SHB: variants seen among roughly 807,000 people sequenced by gnomAD.
The protein encoded by SHB is SH2 domain-containing adapter protein B.
In SHB, 20 loss-of-function variants were observed where a neutral mutation model predicts 52.3. The observed-to-expected ratio is 0.38, with a 90% CI of 0.27 to 0.56. SHB has a LOEUF of 0.56. Among genes scored for constraint, SHB ranks in the 20% least tolerant of loss-of-function variants. The probability of loss-of-function intolerance (pLI) is 0.71; values close to 1 mark genes in which losing one functional copy is unlikely to be tolerated. For missense variants in SHB, 825 were observed against 723.3 expected, an observed-to-expected ratio of 1.14 and a Z score of -1.61; for synonymous variants, 397 against 316.5, an observed-to-expected ratio of 1.25 and a Z score of -2.70.
intron 1 of SHB, among the ~76,000 whole-genome samples, chr9:38,054,394 CT>C (rs952386121): frequency 1.3e-5 from 2 of 152,254 alleles, no homozygotes; most frequent in Non-Finnish European, 2.9e-5. Context: ...TTTGCTGAGA[CT>C]CCCCAAATCC....
At chr9:38,010,335 C>A (rs368019792) in intron 2 of SHB, among the ~76,000 whole-genome samples, 1 of 152,206 alleles carries the variant, frequency 6.6e-6, no homozygotes, top group East Asian at 1.9e-4. Flanking sequence ...TTGGTTACCT[C>A]TGAGAATTCC....
intron 2 of SHB, among the ~76,000 whole-genome samples, chr9:37,980,419 A>G (rs369209251): frequency 6.6e-6 from 1 of 152,226 alleles, no homozygotes; most frequent in African/African-American, 2.4e-5. Context: ...GTTTGATCAT[A>G]AGATTCCTGC....
At chr9:38,009,451 A>G (rs1248240015) in intron 2 of SHB, among the ~76,000 whole-genome samples, 2 of 152,234 alleles carry the variant, frequency 1.3e-5, no homozygotes, top group Non-Finnish European at 2.9e-5. Flanking sequence ...ACACCCAGTG[A>G]AGGAGGCAGA....
chr9:38,000,878 T>C (rs1362877518), intron 2 of SHB, among the ~76,000 whole-genome samples: 1 of 152,200 alleles, frequency 6.6e-6, no homozygotes, highest in East Asian at 1.9e-4. Flanking sequence ...GCTTTAGTCC[T>C]GGTTTCCTAT....
chr9:37,971,212 C>A (rs1284023506), intron 3 of SHB, among the ~76,000 whole-genome samples: 2 of 152,208 alleles, frequency 1.3e-5, no homozygotes, highest in Non-Finnish European at 2.9e-5. Context: ...TGCATACACA[C>A]CCACACACAT....
At position 38,020,852 on chromosome 9, in the gene SHB, G is replaced by A. The variant is rs567407508; in HGVS notation, c.718-4721C>T. 9.2e-5 allele frequency among the ~76,000 whole-genome samples: 14 copies of A among 152,334 alleles called. No homozygotes were observed. In the South Asian group the frequency reaches 2.3e-3, roughly 25 times the overall value. ...GTGGCCCAACAGGGATCCTAGCCCCGAGGATCTTGCAAGGCAAGGCTTTCT... is the reference window on the plus strand; with the variant it reads ...GTGGCCCAACAGGGATCCTAGCCCCAAGGATCTTGCAAGGCAAGGCTTTCT... On this transcript the variant is annotated intron_variant, in intron 1 of 5. Transcript: ENST00000377707.
intron 2 of SHB, among the ~76,000 whole-genome samples, chr9:38,013,274 C>A (rs1821165604): frequency 6.6e-6 from 1 of 152,196 alleles, no homozygotes; most frequent in African/African-American, 2.4e-5. Flanking sequence ...CTGCCTCAAT[C>A]AAATTGCCCT....
chr9:37,999,996 A>C (rs925156489), intron 2 of SHB, among the ~76,000 whole-genome samples: 8 of 152,214 alleles, frequency 5.3e-5, no homozygotes, highest in African/African-American at 1.9e-4. Flanking sequence ...AGCTTTGTGA[A>C]GGCTGACAAG....
At chr9:38,064,035 G>A (rs1051301374) in intron 1 of SHB, among the ~76,000 whole-genome samples, 2 of 151,222 alleles carry the variant, frequency 1.3e-5, no homozygotes, top group African/African-American at 4.9e-5. Flanking sequence ...AACTGGATGA[G>A]ACCTGTTTGG....
chr9:37,918,946 A>C lies in SHB; in HGVS notation c.*875T>G, dbSNP rs559118214. Among the ~76,000 whole-genome samples, 1 of 152,098 alleles carries C rather than the reference A, an allele frequency of 6.6e-6. No homozygotes were observed. Among genetic ancestry groups the C allele is most frequent in the Non-Finnish European group, 1.5e-5 (1 of 68,000 alleles). ...AGAGTGCTACCGACTGCCTCAGCCC[A>C]GTTGTCAGAGCAGACGGCTCTTGTG... is the stretch of plus-strand genomic sequence containing the variant. On this transcript the variant is annotated 3_prime_UTR_variant, in exon 6 of 6. Transcript: ENST00000377707.
In SHB at chr9:38,068,718, G is replaced by C; in HGVS notation, c.-73C>G. On this transcript the variant is annotated 5_prime_UTR_variant, in exon 1 of 6. Coordinates refer to ENST00000377707, the MANE Select transcript of SHB (RefSeq NM_003028.3). ...GCGGCCATTCGGGGGGCAGCGCTGC[G>C]GCGCAGGTCCCTCGGCGCCCCGGCC... is the stretch of plus-strand genomic sequence containing the variant. 7 of 1,106,000 alleles carry C rather than the reference G, an allele frequency of 6.3e-6. No individual in the cohort carries two copies. Among genetic ancestry groups the C allele is most frequent in the Non-Finnish European group, 7.9e-6 (7 of 891,108 alleles). 68.5% of individuals were successfully genotyped at this position (1,106,000 alleles called of 1,614,324 possible).
At chr9:38,038,684 G>T (rs1821522641) in intron 1 of SHB, among the ~76,000 whole-genome samples, 1 of 152,212 alleles carries the variant, frequency 6.6e-6, no homozygotes, top group African/African-American at 2.4e-5. Context: ...TCCTTCCCCA[G>T]GACACAGGGA....
chr9:38,044,953 T>C (rs1369572144), intron 1 of SHB, among the ~76,000 whole-genome samples: 1 of 152,084 alleles, frequency 6.6e-6, no homozygotes, highest in East Asian at 1.9e-4. Flanking sequence ...TCAGGAAGCC[T>C]CCCAAATGGC....
At position 37,930,489 on chromosome 9, in the gene SHB, T is replaced by G. The variant is rs112222593; in HGVS notation, c.1347-10485A>C. 8.5e-3 allele frequency among the ~76,000 whole-genome samples: 1,301 copies of G among 152,222 alleles called. 19 individuals are homozygous for G. Among genetic ancestry groups the G allele is most frequent in the African/African-American group, 0.03 (1,233 of 41,498 alleles). On this transcript the variant is annotated intron_variant, in intron 5 of 5. Transcript: ENST00000377707. ...AATGCCCCCTGCTCCTCATTTCTCA[T>G]CCCGAGTCACCCCATGGACCTTTGC...
chr9:37,929,697 G>A (rs1832291809), intron 5 of SHB, among the ~76,000 whole-genome samples: 1 of 152,242 alleles, frequency 6.6e-6, no homozygotes, highest in Non-Finnish European at 1.5e-5. Context: ...CAGCTCTGTG[G>A]CCGGATGACA....
chr9:37,931,791 C>T (rs1236138185), intron 5 of SHB, among the ~76,000 whole-genome samples: 2 of 152,174 alleles, frequency 1.3e-5, no homozygotes, highest in Non-Finnish European at 2.9e-5. Flanking sequence ...ATCTGCACTC[C>T]ATGTTTACAG....
chr9:37,975,232 C>T (rs1046244409), intron 2 of SHB, among the ~76,000 whole-genome samples: 2 of 152,206 alleles, frequency 1.3e-5, no homozygotes, highest in African/African-American at 4.8e-5. Flanking sequence ...TCCTTGCCCT[C>T]TTTGGACTTT....
At chr9:38,015,733 C>A (rs1821201439) in intron 2 of SHB, among the ~76,000 whole-genome samples, 2 of 152,230 alleles carry the variant, frequency 1.3e-5, no homozygotes, top group Admixed American at 1.3e-4. Flanking sequence ...TCTCCCTCCT[C>A]TCCCCACTTA....
At chr9:37,924,168 T>C (rs1223012896) in intron 5 of SHB, among the ~76,000 whole-genome samples, 1 of 152,108 alleles carries the variant, frequency 6.6e-6, no homozygotes, top group East Asian at 1.9e-4. Context: ...GAGGCCGGGG[T>C]GCTGGAGCTG....
Sources: gnomAD v4.1 joint callset for allele counts (sites outside exome capture counted in the v4.1 genomes callset) on GRCh38, gnomAD v4.1.1 for gene constraint, MANE v1.5 for transcripts, NCBI Gene and HGNC (gene_info 2026-07-23, HGNC 2026-07-21) for gene names.